RERE: variants seen among roughly 807,000 people sequenced by gnomAD.
RERE encodes the protein arginine-glutamic acid dipeptide repeats, also known as arginine-glutamic acid dipeptide repeats protein.
Under a neutral mutation model 146.1 loss-of-function variants are expected in RERE, and 40 were observed. That is an observed-to-expected ratio of 0.27 (90% CI 0.21 to 0.36). RERE has a LOEUF of 0.36. Among genes scored for constraint, RERE ranks in the 10% least tolerant of loss-of-function variants. The pLI, the probability that RERE is intolerant of heterozygous loss-of-function variation, is 1.00. For missense variants in RERE, 1,933 were observed against 2,138.7 expected, an observed-to-expected ratio of 0.90 and a Z score of 1.90; for synonymous variants, 1,003 against 866.0, an observed-to-expected ratio of 1.16 and a Z score of -2.78.
At chr1:8,811,489 T>G (rs555321473) in intron 1 of RERE, among the ~76,000 whole-genome samples, 11 of 152,226 alleles carry the variant, frequency 7.2e-5, no homozygotes, top group African/African-American at 2.6e-4. Flanking sequence ...CTAGTCCCAG[T>G]CCCAGCTACT....
intron 4 of RERE, among the ~76,000 whole-genome samples, chr1:8,589,669 C>T (rs1003616971): frequency 3.9e-5 from 6 of 152,160 alleles, no homozygotes; most frequent in African/African-American, 1.4e-4. Context: ...CAAGAGTTTG[C>T]CCCCTAGTTC....
chr1:8,369,990 C>G (rs184887601), intron 12 of RERE, among the ~76,000 whole-genome samples: 1 of 152,140 alleles, frequency 6.6e-6, no homozygotes, highest in East Asian at 1.9e-4. Flanking sequence ...CGGGGTTTCA[C>G]TGTGTTTGCC....
At chr1:8,582,753 A>C (rs1646383507) in intron 4 of RERE, among the ~76,000 whole-genome samples, 1 of 151,940 alleles carries the variant, frequency 6.6e-6, no homozygotes, top group Admixed American at 6.6e-5. Flanking sequence ...ACACACATAC[A>C]CCCTGAAATC....
chr1:8,429,471 A>G (rs1557628085), intron 11 of RERE, among the ~76,000 whole-genome samples: 5 of 152,252 alleles, frequency 3.3e-5, no homozygotes, highest in South Asian at 4.1e-4. Flanking sequence ...TCATCTACAC[A>G]TGAAACTCCC....
intron 1 of RERE, among the ~76,000 whole-genome samples, chr1:8,751,532 T>C (rs1271469413): frequency 1.3e-5 from 2 of 152,132 alleles, no homozygotes; most frequent in East Asian, 1.9e-4. Context: ...GAAGTCAAAC[T>C]TATGCTACCC....
intron 4 of RERE, among the ~76,000 whole-genome samples, chr1:8,591,278 A>G (rs1191138730): frequency 6.6e-6 from 1 of 152,224 alleles, no homozygotes; most frequent in Non-Finnish European, 1.5e-5. Flanking sequence ...GGATAAAACA[A>G]GTAGAAAAGT....
intron 12 of RERE, among the ~76,000 whole-genome samples, chr1:8,410,882 A>G (rs902399096): frequency 1.3e-5 from 2 of 152,166 alleles, no homozygotes; most frequent in Non-Finnish European, 2.9e-5. Context: ...GCAGCTCACT[A>G]TTTTTCTCCC....
chr1:8,590,646 C>T (rs954858967), intron 4 of RERE: 1 of 152,192 alleles, frequency 6.6e-6, no homozygotes, highest in Admixed American at 6.5e-5. Flanking sequence ...CAAACTATGC[C>T]TTTAAGCTTT....
intron 4 of RERE, among the ~76,000 whole-genome samples, chr1:8,559,860 CAA>C (rs1441325345): frequency 6.6e-6 from 1 of 152,050 alleles, no homozygotes; most frequent in Non-Finnish European, 1.5e-5. Flanking sequence ...TATTGCTGAC[CAA>C]ATACACAGGC....
chr1:8,576,624 G>T (rs1646298390), intron 4 of RERE, among the ~76,000 whole-genome samples: 1 of 152,140 alleles, frequency 6.6e-6, no homozygotes, highest in African/African-American at 2.4e-5. Context: ...ATGGGTCAAA[G>T]ATTGAAATGT....
At chr1:8,716,705 C>T (rs1347426664) in intron 1 of RERE, among the ~76,000 whole-genome samples, 2 of 151,744 alleles carry the variant, frequency 1.3e-5, no homozygotes, top group Non-Finnish European at 2.9e-5. Flanking sequence ...AAAATTAACA[C>T]AAATGTTCCC....
At chr1:8,702,591 T>G (rs1209319570) in intron 1 of RERE, among the ~76,000 whole-genome samples, 1 of 152,222 alleles carries the variant, frequency 6.6e-6, no homozygotes, top group African/African-American at 2.4e-5. Flanking sequence ...TTAAGTAGCC[T>G]CAAATCAAGT....
rs755773487 is a variant in RERE, at chr1:8,656,308, G to A, written c.-11C>T. 20 of 1,610,926 alleles carry A rather than the reference G, an allele frequency of 1.2e-5. No homozygotes were observed. The highest frequency in any genetic ancestry group is 4.4e-5 in the South Asian group (4 of 90,848). Reference sequence around the variant, plus strand: ...TTTGTCCGCTGTCATGATTCGCCACGTGCCTTCTTCTGTCCTCTCACGGCT... The same window carrying A: ...TTTGTCCGCTGTCATGATTCGCCACATGCCTTCTTCTGTCCTCTCACGGCT... On this transcript the variant is annotated 5_prime_UTR_variant, in exon 2 of 23. The change creates a new upstream start codon in the 5' untranslated region. Transcript: ENST00000400908.
In RERE at chr1:8,624,343, C is replaced by T. The variant is rs148683854; in HGVS notation, c.363G>A (p.Pro121=). ...VYIESRRPNT[P]YFICSIQDFK... ...AGTCTTGAATGCTACAGATGAAATA[C>T]GGTGTGTTTGGCCTCCGACTCTCGA... is the stretch of plus-strand genomic sequence containing the variant. Residue 121 remains proline (P), a synonymous_variant, in exon 3 of 23, where the codon CCG becomes CCA. Transcript: ENST00000400908. The T allele has an allele frequency of 5.7e-3, 9,201 of 1,611,172 alleles. 29 individuals are homozygous for T. The highest frequency in any genetic ancestry group is 6.7e-3 in the Non-Finnish European group (7,952 of 1,179,200).
At position 8,358,288 on chromosome 1, in the gene RERE, C is replaced by T. The variant is rs781403961; in HGVS notation, c.4247G>A (p.Arg1416Gln). 15 of 1,613,604 alleles carry T rather than the reference C, an allele frequency of 9.3e-6. No homozygotes were observed. Among genetic ancestry groups the T allele is most frequent in the Admixed American group, 1.7e-5 (1 of 60,010 alleles). Residue 1416 changes from arginine to glutamine, a missense_variant, in exon 20 of 23, where the codon CGA becomes CAA. By Grantham distance (43) the Arg-to-Gln change is conservative. Coordinates refer to ENST00000400908, the MANE Select transcript of RERE (RefSeq NM_001042681.2). ...MASLTSDPLA[R>Q]LQMFNVTPHH... Reference sequence around the variant, plus strand: ...CGGAGTCACGTTGAACATCTGCAGTCGGGCCAGGGGATCGCTGGTCAGCGA... The same window carrying T: ...CGGAGTCACGTTGAACATCTGCAGTTGGGCCAGGGGATCGCTGGTCAGCGA...
intron 1 of RERE, among the ~76,000 whole-genome samples, chr1:8,759,532 G>GA (rs1294288742): frequency 2.0e-5 from 3 of 152,128 alleles, no homozygotes; most frequent in Non-Finnish European, 2.9e-5. Context: ...CTTCCCAAAA[G>GA]AAAAAACAGA....
chr1:8,452,402 G>A (rs1425287904), intron 11 of RERE, among the ~76,000 whole-genome samples: 1 of 152,200 alleles, frequency 6.6e-6, no homozygotes, highest in African/African-American at 2.4e-5. Context: ...CATGTCACCT[G>A]CCATACTGCC....
At chr1:8,504,106 A>G (rs1645217594) in intron 8 of RERE, among the ~76,000 whole-genome samples, 1 of 152,240 alleles carries the variant, frequency 6.6e-6, no homozygotes, top group East Asian at 1.9e-4. Flanking sequence ...TAAAACACCT[A>G]TTTCCTATTC....
intron 12 of RERE, among the ~76,000 whole-genome samples, chr1:8,393,194 T>G (rs1280092496): frequency 6.6e-6 from 1 of 152,206 alleles, no homozygotes; most frequent in Non-Finnish European, 1.5e-5. Flanking sequence ...GTACTTGATC[T>G]TACCTTTCCA....
Sources: allele counts gnomAD v4.1 joint callset (sites outside exome capture counted in the v4.1 genomes callset), GRCh38; gene constraint gnomAD v4.1.1; transcripts MANE v1.5; gene names NCBI Gene and HGNC (gene_info 2026-07-23, HGNC 2026-07-21).